The following RAB27A variants were observed in gnomAD, a reference collection of about 807,000 sequenced individuals.
RAB27A encodes the protein ras-related protein Rab-27A.
A neutral mutation model predicts 20.8 loss-of-function variants in RAB27A; 17 were observed. The observed-to-expected ratio is 0.82, with a 90% CI of 0.56 to 1.23. The LOEUF (loss-of-function observed/expected upper bound fraction) is 1.23. Ranked by LOEUF, RAB27A falls within the 50% of genes most tolerant of loss-of-function variation. RAB27A has a pLI of 0.00. For synonymous variants in RAB27A, 85 were observed against 92.8 expected (o/e 0.92, Z 0.48); for missense variants, 277 against 266.7 (o/e 1.04, Z -0.27).
chr15:55,226,988 G>GGA (rs1895829397), intron 5 of RAB27A, among the ~76,000 whole-genome samples: 1 of 151,922 alleles, frequency 6.6e-6, no homozygotes, highest in South Asian at 2.1e-4. Context: ...ATTAAGATTT[G>GGA]ATATTACCAC....
intron 6 of RAB27A, among the ~76,000 whole-genome samples, chr15:55,223,573 C>T (rs1895675083): frequency 6.6e-6 from 1 of 151,844 alleles, no homozygotes. Flanking sequence ...ATTTCTTTAC[C>T]CCAGGAGTCT....
chr15:55,266,781 T>C (rs1029494360), intron 2 of RAB27A, among the ~76,000 whole-genome samples: 1 of 152,176 alleles, frequency 6.6e-6, no homozygotes, highest in African/African-American at 2.4e-5. Flanking sequence ...CAAGATGTGA[T>C]CTCAGACACA....
At chr15:55,261,200 C>T (rs1280762160) in intron 2 of RAB27A, among the ~76,000 whole-genome samples, 1 of 151,864 alleles carries the variant, frequency 6.6e-6, no homozygotes, top group East Asian at 1.9e-4. Context: ...AGTTCAAAAC[C>T]AGCCTGGCCA....
intron 6 of RAB27A, among the ~76,000 whole-genome samples, chr15:55,213,375 TAA>T (rs914290328): frequency 7.9e-5 from 12 of 152,210 alleles, no homozygotes; most frequent in African/African-American, 2.9e-4. Flanking sequence ...GAGAGCTTGG[TAA>T]AGTTTTCTTT....
chr15:55,289,751 G>C lies in RAB27A; in HGVS notation c.-178C>G, dbSNP rs1898262543. The C allele has an allele frequency of 6.5e-6, 1 of 153,092 alleles. No homozygotes were observed. Among genetic ancestry groups the C allele is most frequent in the Non-Finnish European group, 1.5e-5 (1 of 68,852 alleles). 9.5% of individuals were successfully genotyped at this position (153,092 alleles called of 1,614,324 possible). On this transcript the variant is annotated 5_prime_UTR_variant, in exon 1 of 7. Transcript: ENST00000336787. ...CCGCCGTCCTGTCCCCGCCTGGCTCGGGTCCTCGCGCGCCGCGTCCACCCG... is the reference window on the plus strand; with the variant it reads ...CCGCCGTCCTGTCCCCGCCTGGCTCCGGTCCTCGCGCGCCGCGTCCACCCG...
intron 1 of RAB27A, chr15:55,289,150 T>C (rs2305424): frequency 0.23 from 34,876 of 152,156 alleles, 5,653 homozygotes; most frequent in East Asian, 0.55. Flanking sequence ...TGGTGATCTA[T>C]TGGGACAGAG....
At chr15:55,266,617 C>G (rs1387286313) in intron 2 of RAB27A, among the ~76,000 whole-genome samples, 1 of 152,178 alleles carries the variant, frequency 6.6e-6, no homozygotes, top group African/African-American at 2.4e-5. Context: ...ATTATTATAA[C>G]TAACACTAAG....
intron 2 of RAB27A, among the ~76,000 whole-genome samples, chr15:55,235,207 G>C (rs1246468715): frequency 6.6e-6 from 1 of 152,084 alleles, no homozygotes; most frequent in Admixed American, 6.5e-5. Flanking sequence ...CAGCACTTTG[G>C]GAGGCCAAGG....
intron 2 of RAB27A, among the ~76,000 whole-genome samples, chr15:55,265,393 A>G (rs983412713): frequency 2.6e-5 from 4 of 152,178 alleles, no homozygotes; most frequent in African/African-American, 9.7e-5. Context: ...GGGGCATCTG[A>G]GCTAAGGACT....
intron 6 of RAB27A, among the ~76,000 whole-genome samples, chr15:55,210,412 G>GTTTT (rs572160899): frequency 0.054 from 6,855 of 127,866 alleles, 506 homozygotes; most frequent in African/African-American, 0.16. Context: ...TTTAGGTGTG[G>GTTTT]TTTTTTTTTT....
chr15:55,224,288 C>T lies in RAB27A; in HGVS notation c.344-276G>A, dbSNP rs2289060. 0.064 allele frequency among the ~76,000 whole-genome samples: 9,707 copies of T among 152,258 alleles called. 366 individuals are homozygous for T. Among genetic ancestry groups the T allele is most frequent in the South Asian group, 0.14 (661 of 4,830 alleles). On this transcript the variant is annotated intron_variant, in intron 5 of 6. Transcript: ENST00000336787. ...AAGTGTGAGGGCCCACATGTGCACA[C>T]GCACACATATGCACACACACACATA... is the stretch of plus-strand genomic sequence containing the variant.
intron 5 of RAB27A, among the ~76,000 whole-genome samples, chr15:55,226,894 A>G (rs1895825228): frequency 6.6e-6 from 1 of 151,950 alleles, no homozygotes; most frequent in South Asian, 2.1e-4. Context: ...AAGATAAGAA[A>G]TGAATGATCA....
intron 2 of RAB27A, among the ~76,000 whole-genome samples, chr15:55,242,187 C>A (rs908427153): frequency 6.6e-6 from 1 of 152,068 alleles, no homozygotes; most frequent in African/African-American, 2.4e-5. Flanking sequence ...TAGTACAGAG[C>A]AAAAGAAAGG....
At chr15:55,240,275 T>C (rs939755675) in intron 2 of RAB27A, among the ~76,000 whole-genome samples, 4 of 152,098 alleles carry the variant, frequency 2.6e-5, no homozygotes, top group Non-Finnish European at 5.9e-5. Context: ...GAATTTGACA[T>C]TTGGGGCACC....
chr15:55,294,265 C>T (rs959669749), upstream of RAB27A, among the ~76,000 whole-genome samples: 20 of 152,106 alleles, frequency 1.3e-4, no homozygotes, highest in African/African-American at 4.8e-4. Context: ...GCAAATGGTA[C>T]TGGGAGAACT....
At chr15:55,251,349 G>A (rs1343747786) in intron 2 of RAB27A, among the ~76,000 whole-genome samples, 1 of 152,294 alleles carries the variant, frequency 6.6e-6, no homozygotes, top group East Asian at 1.9e-4. Flanking sequence ...CCTGGGGAAA[G>A]GGTCCTGGAA....
intron 6 of RAB27A, among the ~76,000 whole-genome samples, chr15:55,220,052 T>C (rs1895493491): frequency 2.0e-5 from 3 of 152,158 alleles, no homozygotes; most frequent in Admixed American, 6.5e-5. Context: ...CAATTTGCCC[T>C]TTACATTTTT....
At chr15:55,285,518 C>G (rs1387723034) in intron 1 of RAB27A, among the ~76,000 whole-genome samples, 2 of 152,294 alleles carry the variant, frequency 1.3e-5, no homozygotes, top group African/African-American at 4.8e-5. Flanking sequence ...ATTACAAACC[C>G]TTTATCTCTG....
At chr15:55,237,457 A>T (rs965586308) in intron 2 of RAB27A, 1 of 152,144 alleles carries the variant, frequency 6.6e-6, no homozygotes. Flanking sequence ...AAACATTCAA[A>T]ATTCTATTTG....
Sources: gnomAD v4.1 joint callset for allele counts (sites outside exome capture counted in the v4.1 genomes callset) on GRCh38, gnomAD v4.1.1 for gene constraint, MANE v1.5 for transcripts, NCBI Gene and HGNC (gene_info 2026-07-23, HGNC 2026-07-21) for gene names.